The following ZC3H13 variants were observed in gnomAD, a reference collection of about 807,000 sequenced individuals.
ZC3H13 encodes zinc finger CCCH-type containing 13.
Under a neutral mutation model 204.1 loss-of-function variants are expected in ZC3H13, and 64 were observed. That is an observed-to-expected ratio of 0.31 (90% CI 0.26 to 0.39). The LOEUF (loss-of-function observed/expected upper bound fraction) is 0.39, where lower values mean the gene tolerates loss of function less well. Ranked by LOEUF, ZC3H13 falls within the 10% of genes least tolerant of loss-of-function variation. The probability of loss-of-function intolerance (pLI) is 1.00; values close to 1 mark genes in which losing one functional copy is unlikely to be tolerated. For missense variants in ZC3H13, 1,833 were observed against 2,082.7 expected (o/e 0.88, Z 2.33); for synonymous variants, 667 against 693.7 (o/e 0.96, Z 0.60).
Position 45,995,933 on chromosome 13 carries a change from A to C in ZC3H13, c.945-6836T>G, listed in dbSNP as rs541662380. 1.4e-4 allele frequency among the ~76,000 whole-genome samples: 22 copies of C among 152,350 alleles called. No homozygotes were observed. The South Asian group carries it at 4.3e-3, about 30-fold the overall frequency. On this transcript the variant is annotated intron_variant, in intron 8 of 18. Transcript: ENST00000679008. ...ATTGTGTTGGAATGATTGTGTTTTT[A>C]GTTAGCTATGCTCTGAGTACTATTT... is the stretch of plus-strand genomic sequence containing the variant.
chr13:46,002,282 T>C (rs2040808370), intron 8 of ZC3H13, among the ~76,000 whole-genome samples: 2 of 152,168 alleles, frequency 1.3e-5, no homozygotes, highest in African/African-American at 4.8e-5. Flanking sequence ...TTGGTGAAGG[T>C]ATGGAGAAAC....
chr13:45,976,270 A>C, intron 11 of ZC3H13: 1 of 985,274 alleles, frequency 1.0e-6, no homozygotes, highest in Non-Finnish European at 1.2e-6. Flanking sequence ...TAGGAGCTGA[A>C]GGAAAAAAAA....
chr13:46,003,298 C>T lies in ZC3H13; in HGVS notation c.785G>A (p.Arg262His), dbSNP rs376075944. Residue 262 changes from arginine to histidine, a missense_variant, in exon 8 of 19, where the codon CGT becomes CAT. Coordinates refer to ENST00000679008, the MANE Select transcript of ZC3H13 (RefSeq NM_001330564.2). ...TATAGGAGGGGGTGGACTAGGAGTA[C>T]GTGGTCCTTTCTTTTTACTTTGGTT... is the stretch of plus-strand genomic sequence containing the variant. Reference protein sequence around the residue: ...KTNQSKKKGPRTPSPPPPIPE... With the variant: ...KTNQSKKKGPHTPSPPPPIPE... 3 of 1,609,734 alleles carry T rather than the reference C, an allele frequency of 1.9e-6. No homozygotes were observed. Among genetic ancestry groups the T allele is most frequent in the Non-Finnish European group, 1.7e-6 (2 of 1,179,038 alleles).
chr13:45,998,208 C>T (rs1016735068), intron 8 of ZC3H13, among the ~76,000 whole-genome samples: 1 of 152,108 alleles, frequency 6.6e-6, no homozygotes, highest in African/African-American at 2.4e-5. Flanking sequence ...AATACAGGTA[C>T]ACCTCAGAAA....
rs549208582 is a variant in ZC3H13 at position 46,014,440 on chromosome 13, A to G, written c.449-2886T>C. 5.9e-5 allele frequency among the ~76,000 whole-genome samples: 9 copies of G among 152,334 alleles called. No individual in the cohort carries two copies. The East Asian group carries it at 1.7e-3, about 29-fold the overall frequency. ...TTCCAGTAATTTATTGTATAAAAAT[A>G]ATCATAGATATATAAAAGGTTTATG... On this transcript the variant is annotated intron_variant, in intron 5 of 18. Coordinates refer to ENST00000679008, the MANE Select transcript of ZC3H13 (RefSeq NM_001330564.2).
intron 13 of ZC3H13, 128 bp downstream of exon 13, chr13:45,970,234 T>A (rs1952472034): frequency 1.9e-6 from 2 of 1,030,092 alleles, no homozygotes; most frequent in Non-Finnish European, 2.9e-6. Context: ...AAAGGAGATA[T>A]TTAGAGGCAG....
At chr13:45,974,062 G>A (rs1445846057) in intron 12 of ZC3H13, among the ~76,000 whole-genome samples, 1 of 152,234 alleles carries the variant, frequency 6.6e-6, no homozygotes, top group African/African-American at 2.4e-5. Flanking sequence ...TGGCAAATGA[G>A]TTGGAGGTAA....
chr13:45,962,634 T>C (rs1566141864), intron 17 of ZC3H13: 2 of 983,060 alleles, frequency 2.0e-6, no homozygotes, highest in Non-Finnish European at 1.2e-6. Flanking sequence ...TTGGGCTATA[T>C]TAAAATAAAA....
Position 45,967,518 on chromosome 13 carries a change from G to C in ZC3H13, c.4307C>G (p.Thr1436Ser). Residue 1436 changes from threonine (T) to serine (S), a missense_variant, in exon 15 of 19, where the codon ACT (threonine) becomes AGT (serine). Thr to Ser is a moderately conservative substitution (Grantham distance 58). Transcript: ENST00000679008. ...GTAGCACTCACCTTCCAGACTCTCA[G>C]TTCTCTCGGATTTATTTGTTTCTTC... Reference protein sequence around the residue: ...GFEETNKSERTESLEAGDDES... With the variant: ...GFEETNKSERSESLEAGDDES... 6.4e-7 allele frequency: 1 copy of C among 1,555,142 alleles called. No individual in the cohort carries two copies. Among genetic ancestry groups the C allele is most frequent in the South Asian group, 1.3e-5 (1 of 79,570 alleles).
rs1341468069 is a variant in ZC3H13 at position 46,027,289 on chromosome 13, G to T, written c.340-6732C>A. Among the ~76,000 whole-genome samples, 4 of 152,050 alleles carry T rather than the reference G, an allele frequency of 2.6e-5. No homozygotes were observed. In the South Asian group the frequency reaches 8.3e-4, roughly 31 times the overall value. The stretch of plus-strand genomic sequence containing the variant: ...CCGGCTAATTTCTGTACGTTTTGTA[G>T]AGATGGGAGTTTTGCCATGTTGCCC... On this transcript the variant is annotated intron_variant, in intron 4 of 18. Coordinates refer to ENST00000679008, the MANE Select transcript of ZC3H13 (RefSeq NM_001330564.2).
chr13:46,043,628 T>C (rs893231757), intron 3 of ZC3H13, among the ~76,000 whole-genome samples: 1 of 151,958 alleles, frequency 6.6e-6, no homozygotes, highest in East Asian at 1.9e-4. Context: ...GCTTTTCTTA[T>C]CTTTGACTCG....
intron 8 of ZC3H13, among the ~76,000 whole-genome samples, chr13:45,997,164 AAAGTT>A (rs1367782398): frequency 6.6e-6 from 1 of 152,256 alleles, no homozygotes; most frequent in East Asian, 1.9e-4. Flanking sequence ...AAAGCTGAGT[AAAGTT>A]AAGTTGGAAG....
intron 8 of ZC3H13, among the ~76,000 whole-genome samples, chr13:45,991,582 T>A (rs2039974596): frequency 6.6e-6 from 1 of 152,250 alleles, no homozygotes; most frequent in South Asian, 2.1e-4. Flanking sequence ...CCACTTAGAA[T>A]AGAAGTAACT....
At chr13:45,997,647 T>C (rs2040436585) in intron 8 of ZC3H13, among the ~76,000 whole-genome samples, 1 of 152,180 alleles carries the variant, frequency 6.6e-6, no homozygotes, top group South Asian at 2.1e-4. Flanking sequence ...TTTGGACAAC[T>C]GAGACACAGA....
chr13:45,995,430 T>C (rs559657350), intron 8 of ZC3H13, among the ~76,000 whole-genome samples: 1 of 152,348 alleles, frequency 6.6e-6, no homozygotes, highest in Admixed American at 6.5e-5. Flanking sequence ...GCTTCTTTTT[T>C]ATCCCTTGTG....
In ZC3H13 at chr13:45,956,777, T is replaced by G. The variant is rs1262065816; in HGVS notation, c.*350A>C. ...AAAATTGTTGGTTCTGTATGGATGA[T>G]CCAGACATAAATCCATGGTTCCATT... On this transcript the variant is annotated 3_prime_UTR_variant, in exon 19 of 19. Transcript: ENST00000679008. 1 of 165,116 alleles carries G rather than the reference T, an allele frequency of 6.1e-6. No homozygotes were observed. Among genetic ancestry groups the G allele is most frequent in the Non-Finnish European group, 1.3e-5 (1 of 76,470 alleles). 10.2% of individuals were successfully genotyped at this position (165,116 alleles called of 1,614,324 possible).
chr13:45,995,405 G>C (rs2040260272), intron 8 of ZC3H13, among the ~76,000 whole-genome samples: 1 of 152,168 alleles, frequency 6.6e-6, no homozygotes, highest in South Asian at 2.1e-4. Flanking sequence ...TGGTTAATTT[G>C]ACTAAATGTG....
rs774382402 is a variant in ZC3H13 at position 45,969,401 on chromosome 13, C to T, written c.3143G>A (p.Gly1048Asp). 1 of 1,614,078 alleles carries T rather than the reference C, an allele frequency of 6.2e-7. No homozygotes were observed. The highest frequency in any genetic ancestry group is 8.5e-7 in the Non-Finnish European group (1 of 1,179,994). ...GGAGTCCTCTAGAATACCATTCTTA[C>T]CATTGCACATTTCAACCAATTCCTC... ...TKEELVEMCN[G>D]KNGILEDSQK... The change falls in exon 14 of 19, where the codon GGT becomes GAT. Residue 1048 changes from glycine to aspartate, a missense_variant. Coordinates refer to ENST00000679008, the MANE Select transcript of ZC3H13 (RefSeq NM_001330564.2).
intron 13 of ZC3H13, 129 bp from the exon 14 acceptor site, chr13:45,970,100 TGAGATCAA>T (rs1952462059): frequency 4.2e-6 from 5 of 1,191,396 alleles, no homozygotes; most frequent in South Asian, 1.6e-5. Context: ...AGGTGGATCA[TGAGATCAA>T]GAGATCAAGA....
Sources: gnomAD v4.1 joint callset for allele counts (sites outside exome capture counted in the v4.1 genomes callset) on GRCh38, gnomAD v4.1.1 for gene constraint, MANE v1.5 for transcripts, NCBI Gene and HGNC (gene_info 2026-07-23, HGNC 2026-07-21) for gene names.